Variants in EXOC6B observed in about 807,000 individuals in gnomAD.
The protein encoded by EXOC6B is exocyst complex component 6B.
In EXOC6B, 54 loss-of-function variants were observed where a neutral mutation model predicts 113.5. The ratio of observed to expected loss-of-function variants is 0.48; its 90% CI spans 0.38 to 0.60. The LOEUF (loss-of-function observed/expected upper bound fraction) is 0.60. Among genes scored for constraint, EXOC6B ranks in the 20% least tolerant of loss-of-function variants. The probability of loss-of-function intolerance (pLI) is 0.00; values close to 1 mark genes in which losing one functional copy is unlikely to be tolerated. For synonymous variants in EXOC6B, 357 were observed against 339.0 expected (o/e 1.05, Z -0.58); for missense variants, 797 against 977.5 (o/e 0.82, Z 2.46).
Position 72,397,632 on chromosome 2 carries a change from A to T in EXOC6B, c.1981-17762T>A, listed in dbSNP as rs1244336387. On this transcript the variant is annotated intron_variant, in intron 18 of 21. Transcript: ENST00000272427. ...AACCTCATCTCAAAAAAAAAAAATA[A>T]AATAAAATAAAATAAAATAAAATAA... Among the ~76,000 whole-genome samples the T allele has an allele frequency of 6.0e-4, 77 of 129,256 alleles. 3 individuals are homozygous for T. Among genetic ancestry groups the T allele is most frequent in the African/African-American group, 3.0e-3 (73 of 24,424 alleles). The allele number at this position is 129,256 out of a possible 152,430, so 84.8% of individuals were successfully genotyped here.
intron 19 of EXOC6B, among the ~76,000 whole-genome samples, chr2:72,352,366 T>C (rs1689702739): frequency 6.6e-6 from 1 of 152,200 alleles, no homozygotes; most frequent in South Asian, 2.1e-4. Context: ...ATACATTGAC[T>C]TACTAGCTTT....
chr2:72,820,434 T>C (rs1686517988), intron 1 of EXOC6B, among the ~76,000 whole-genome samples: 1 of 152,144 alleles, frequency 6.6e-6, no homozygotes, highest in African/African-American at 2.4e-5. Context: ...GACTGAGTAG[T>C]ATGACACAAA....
intron 18 of EXOC6B, among the ~76,000 whole-genome samples, chr2:72,436,515 G>A (rs1043845821): frequency 5.3e-5 from 8 of 151,902 alleles, no homozygotes; most frequent in South Asian, 2.1e-4. Flanking sequence ...TTCCATTCTC[G>A]CTGTCCCTTT....
intron 6 of EXOC6B, among the ~76,000 whole-genome samples, chr2:72,597,542 G>A (rs1349101021): frequency 6.6e-6 from 1 of 151,764 alleles, no homozygotes; most frequent in Non-Finnish European, 1.5e-5. Flanking sequence ...CAAAGGACAA[G>A]TATAATAAGA....
chr2:72,536,048 A>G (rs1479220643), intron 8 of EXOC6B, among the ~76,000 whole-genome samples: 1 of 152,210 alleles, frequency 6.6e-6, no homozygotes. Context: ...AAAGCATTTT[A>G]TTAACTTTTT....
chr2:72,809,868 T>C (rs1685785199), intron 1 of EXOC6B, among the ~76,000 whole-genome samples: 1 of 152,056 alleles, frequency 6.6e-6, no homozygotes, highest in African/African-American at 2.4e-5. Flanking sequence ...AAATCATAAA[T>C]CAACAGATAA....
intron 18 of EXOC6B, among the ~76,000 whole-genome samples, chr2:72,404,029 A>T (rs183893812): frequency 3.9e-5 from 6 of 152,290 alleles, no homozygotes; most frequent in Non-Finnish European, 8.8e-5. Context: ...CGATTTTCCA[A>T]GGGTCTTAGC....
At chr2:72,818,311 ATTTTTTTT>A (rs1183950982) in intron 1 of EXOC6B, among the ~76,000 whole-genome samples, 2 of 117,844 alleles carry the variant, frequency 1.7e-5, no homozygotes, top group African/African-American at 3.3e-5. Flanking sequence ...GGCCCAGCTA[ATTTTTTTT>A]TTTTTTTTTT....
intron 6 of EXOC6B, among the ~76,000 whole-genome samples, chr2:72,653,612 A>AG (rs1674374247): frequency 6.8e-6 from 1 of 146,174 alleles, no homozygotes. Flanking sequence ...CCCCCCAAAA[A>AG]GAAAGAAAGA....
At chr2:72,795,957 G>C (rs543125865) in intron 1 of EXOC6B, among the ~76,000 whole-genome samples, 38 of 152,072 alleles carry the variant, frequency 2.5e-4, no homozygotes, top group Non-Finnish European at 5.1e-4. Context: ...AAGCAGCTGG[G>C]ACTACAGGTG....
intron 19 of EXOC6B, among the ~76,000 whole-genome samples, chr2:72,348,025 C>T (rs189583232): frequency 8.5e-5 from 13 of 152,224 alleles, no homozygotes; most frequent in Admixed American, 7.9e-4. Context: ...AAATACCATA[C>T]ATTGGGGAGC....
At chr2:72,432,610 T>A (rs902798507) in intron 18 of EXOC6B, among the ~76,000 whole-genome samples, 1 of 152,154 alleles carries the variant, frequency 6.6e-6, no homozygotes, top group African/African-American at 2.4e-5. Context: ...TTCTTAATGA[T>A]CCCCATTCTA....
intron 18 of EXOC6B, among the ~76,000 whole-genome samples, chr2:72,396,727 A>G (rs975214870): frequency 1.3e-5 from 2 of 152,112 alleles, no homozygotes; most frequent in African/African-American, 2.4e-5. Flanking sequence ...TAGTGACTCC[A>G]TCACCTACTC....
intron 20 of EXOC6B, among the ~76,000 whole-genome samples, chr2:72,241,956 C>T (rs926390629): frequency 6.6e-6 from 1 of 152,050 alleles, no homozygotes; most frequent in Non-Finnish European, 1.5e-5. Context: ...CCTGTAATCC[C>T]AGCACTTTGG....
chr2:72,652,924 T>A (rs1674298522), intron 6 of EXOC6B, among the ~76,000 whole-genome samples: 1 of 151,494 alleles, frequency 6.6e-6, no homozygotes, highest in Non-Finnish European at 1.5e-5. Flanking sequence ...GGTGGGAAGA[T>A]CACTTGAGCC....
At chr2:72,280,087 T>C (rs957300554) in intron 20 of EXOC6B, among the ~76,000 whole-genome samples, 2 of 152,206 alleles carry the variant, frequency 1.3e-5, no homozygotes, top group Non-Finnish European at 2.9e-5. Flanking sequence ...AAGCATTTAT[T>C]GAGTACTTAA....
chr2:72,565,726 T>A (rs2103749094), intron 7 of EXOC6B, among the ~76,000 whole-genome samples: 1 of 152,160 alleles, frequency 6.6e-6, no homozygotes, highest in African/African-American at 2.4e-5. Flanking sequence ...GGAATGAAAA[T>A]TAAAACTACA....
At chr2:72,234,111 G>C (rs1190236121) in intron 20 of EXOC6B, among the ~76,000 whole-genome samples, 1 of 137,444 alleles carries the variant, frequency 7.3e-6, no homozygotes, top group Non-Finnish European at 1.5e-5. Flanking sequence ...TTTTAAGACA[G>C]AGTCTTAGGC....
At chr2:72,300,252 C>A (rs1686424902) in intron 20 of EXOC6B, among the ~76,000 whole-genome samples, 1 of 152,186 alleles carries the variant, frequency 6.6e-6, no homozygotes, top group South Asian at 2.1e-4. Flanking sequence ...GGCAGTCTGG[C>A]CGCAGTGGCC....
Sources: gnomAD v4.1 joint callset for allele counts (sites outside exome capture counted in the v4.1 genomes callset) on GRCh38, gnomAD v4.1.1 for gene constraint, MANE v1.5 for transcripts, NCBI Gene and HGNC (gene_info 2026-07-23, HGNC 2026-07-21) for gene names.